Variants in PCDHA2 observed in about 807,000 individuals in gnomAD.
PCDHA2 encodes the protein protocadherin alpha 2.
A neutral mutation model predicts 66.0 loss-of-function variants in PCDHA2; 58 were observed. That is an observed-to-expected ratio of 0.88 (90% confidence interval 0.71 to 1.09). The LOEUF is 1.09. Among genes scored for constraint, PCDHA2 ranks in the 50% least tolerant of loss-of-function variants. The pLI, the probability that PCDHA2 is intolerant of heterozygous loss-of-function variation, is 0.00. For synonymous variants in PCDHA2, 634 were observed against 554.0 expected, an observed-to-expected ratio of 1.14 and a Z score of -2.03; for missense variants, 1,267 against 1,242.3, an observed-to-expected ratio of 1.02 and a Z score of -0.30.
At chr5:140,936,240 CAT>C (rs1282249217) in intron 1 of PCDHA2, among the ~76,000 whole-genome samples, 3 of 152,152 alleles carry the variant, frequency 2.0e-5, no homozygotes, top group Non-Finnish European at 4.4e-5. Flanking sequence ...TTAAAGAAAA[CAT>C]ATCCTGCTTC....
chr5:140,830,257 G>T (rs1581901410), intron 1 of PCDHA2: 1 of 1,613,574 alleles, frequency 6.2e-7, no homozygotes, highest in Admixed American at 1.7e-5. Flanking sequence ...CAGCGCTGCG[G>T]TGCTCGGCGC....
chr5:140,803,235 TC>T (rs1562192756), intron 1 of PCDHA2: 1 of 1,613,652 alleles, frequency 6.2e-7, no homozygotes, highest in African/African-American at 1.3e-5. Context: ...CAAGGCCTCG[TC>T]CCAGGCGTCC....
chr5:140,855,822 A>G (rs1409014183), intron 1 of PCDHA2: 5 of 538,132 alleles, frequency 9.3e-6, no homozygotes, highest in South Asian at 3.1e-5. Flanking sequence ...TTGTGAACTC[A>G]TGGAATCGTA....
At chr5:141,006,215 TA>T (rs200576602) in intron 3 of PCDHA2, among the ~76,000 whole-genome samples, 4 of 151,640 alleles carry the variant, frequency 2.6e-5, no homozygotes, top group South Asian at 2.1e-4. Flanking sequence ...CATTTTTTTT[TA>T]AATTTTTTAT....
At chr5:140,807,976 A>C in intron 1 of PCDHA2, 1 of 1,613,844 alleles carries the variant, frequency 6.2e-7, no homozygotes, top group Non-Finnish European at 8.5e-7. Context: ...TGGTAATTAA[A>C]CTTAACGCCT....
At chr5:140,887,994 C>T (rs1168995086) in intron 1 of PCDHA2, among the ~76,000 whole-genome samples, 1 of 152,016 alleles carries the variant, frequency 6.6e-6, no homozygotes, top group Non-Finnish European at 1.5e-5. Flanking sequence ...ATGTCTCCAC[C>T]GAATAGTCAT....
chr5:140,875,698 G>C (rs2055722414), intron 1 of PCDHA2: 1 of 1,614,084 alleles, frequency 6.2e-7, no homozygotes, highest in African/African-American at 1.3e-5. Context: ...GGACCTTCTG[G>C]AGGTAAATCT....
chr5:140,828,613 T>C (rs2150157360), intron 1 of PCDHA2: 18 of 1,614,128 alleles, frequency 1.1e-5, no homozygotes, highest in Admixed American at 1.7e-5. Context: ...AACTCAGTTC[T>C]AGCGAATACT....
At chr5:140,942,619 T>A in intron 1 of PCDHA2, among the ~76,000 whole-genome samples, 1 of 148,900 alleles carries the variant, frequency 6.7e-6, no homozygotes. Context: ...TTGCCAATTG[T>A]AAAAAAAAAA....
chr5:140,908,967 G>A (rs1039870615), intron 1 of PCDHA2, among the ~76,000 whole-genome samples: 10 of 152,076 alleles, frequency 6.6e-5, no homozygotes, highest in African/African-American at 2.4e-4. Context: ...ATCTTGATAG[G>A]CCCCACTCCA....
chr5:140,801,987 G>A, intron 1 of PCDHA2: 2 of 1,614,224 alleles, frequency 1.2e-6, no homozygotes, highest in Non-Finnish European at 1.7e-6. Context: ...AGTGGTGACC[G>A]TTAACGCCAC....
At chr5:140,926,472 T>G in intron 1 of PCDHA2, 1 of 163,134 alleles carries the variant, frequency 6.1e-6, no homozygotes, top group East Asian at 1.8e-4. Context: ...AAAACACCGT[T>G]TAAGGAGAGA....
chr5:140,830,731 G>C (rs1172672953), intron 1 of PCDHA2: 11 of 211,044 alleles, frequency 5.2e-5, no homozygotes, highest in Admixed American at 5.7e-5. Context: ...AATATTCTTG[G>C]ATATGTCGTT....
intron 3 of PCDHA2, among the ~76,000 whole-genome samples, chr5:140,984,282 C>T (rs543279467): frequency 6.6e-6 from 1 of 152,296 alleles, no homozygotes; most frequent in Admixed American, 6.5e-5. Flanking sequence ...ATACATTCTC[C>T]CTCCCATTGG....
rs374326542 is a variant in PCDHA2, at chr5:140,927,218, A to G, written c.2389-51731A>G. The G allele has an allele frequency of 2.5e-6, 4 of 1,613,972 alleles. No individual in the cohort carries two copies. The African/African-American group carries it at 5.3e-5, about 22-fold the overall frequency. On this transcript the variant is annotated intron_variant, in intron 1 of 3. Coordinates refer to ENST00000526136, the MANE Select transcript of PCDHA2 (RefSeq NM_018905.3). ...CTCGAGGACCCGCTGGAGCTGCACA[A>G]GATTCGGATTCACGTCCTGGACACC...
intron 1 of PCDHA2, chr5:140,842,219 G>C: frequency 1.9e-6 from 3 of 1,613,252 alleles, no homozygotes; most frequent in Non-Finnish European, 2.5e-6. Context: ...TCGAAATACG[G>C]GAGAAATAGT....
intron 1 of PCDHA2, among the ~76,000 whole-genome samples, chr5:140,799,950 A>G (rs1554121054): frequency 6.6e-6 from 1 of 152,094 alleles, no homozygotes; most frequent in African/African-American, 2.4e-5. Flanking sequence ...TATCTTTAGA[A>G]TGTTTTATTG....
chr5:140,962,852 T>G (rs2095713840), intron 1 of PCDHA2, among the ~76,000 whole-genome samples: 2 of 152,216 alleles, frequency 1.3e-5, no homozygotes, highest in Admixed American at 1.3e-4. Context: ...TAACTTGTGC[T>G]CGGTTTGTAG....
intron 1 of PCDHA2, chr5:140,850,352 C>A: frequency 6.3e-7 from 1 of 1,597,824 alleles, no homozygotes; most frequent in Non-Finnish European, 8.6e-7. Context: ...CCAGCGCGAG[C>A]ATCCCGTTCC....
Sources: gnomAD v4.1 joint callset for allele counts (sites outside exome capture counted in the v4.1 genomes callset) on GRCh38, gnomAD v4.1.1 for gene constraint, MANE v1.5 for transcripts, NCBI Gene and HGNC (gene_info 2026-07-23, HGNC 2026-07-21) for gene names.